KMT2C: variants seen among roughly 807,000 people sequenced by gnomAD.
KMT2C encodes the protein lysine methyltransferase 2C.
A neutral mutation model predicts 507.9 loss-of-function variants in KMT2C; 88 were observed. The ratio of observed to expected loss-of-function variants is 0.17; its 90% CI spans 0.15 to 0.21. The LOEUF is 0.21. Ranked by LOEUF, KMT2C falls within the 10% of genes least tolerant of loss-of-function variation. KMT2C has a pLI of 1.00. For synonymous variants in KMT2C, 2,049 were observed against 2,080.8 expected (o/e 0.98, Z 0.42); for missense variants, 4,954 against 5,957.8 (o/e 0.83, Z 5.55).
chr7:152,209,513 A>C (rs1165412229), intron 23 of KMT2C, among the ~76,000 whole-genome samples: 1 of 151,860 alleles, frequency 6.6e-6, no homozygotes, highest in Non-Finnish European at 1.5e-5. Flanking sequence ...GACTAAATTC[A>C]TATGTTAAAA....
intron 38 of KMT2C, among the ~76,000 whole-genome samples, chr7:152,175,217 C>G (rs1012511311): frequency 1.3e-5 from 2 of 151,856 alleles, no homozygotes; most frequent in African/African-American, 4.8e-5. Context: ...GCGATCTCGC[C>G]TCACTGCAAC....
chr7:152,282,745 A>G (rs1242005243), intron 6 of KMT2C, among the ~76,000 whole-genome samples: 1 of 152,008 alleles, frequency 6.6e-6, no homozygotes, highest in Non-Finnish European at 1.5e-5. Context: ...TTGTTTCCTG[A>G]TGTGATTTTA....
intron 1 of KMT2C, among the ~76,000 whole-genome samples, chr7:152,360,624 G>C (rs889331003): frequency 1.3e-5 from 2 of 151,534 alleles, no homozygotes; most frequent in Non-Finnish European, 2.9e-5. Context: ...ACCTGAGGTA[G>C]GGAGTTCGAG....
In KMT2C at chr7:152,134,962, T is replaced by C. The variant is rs1189518358; in HGVS notation, c.*1870A>G. ...AATATTTTATTTGTAAATGGTGATCTTCTAAATCTGTGTCCACAAATTCCA... is the reference window on the plus strand; with the variant it reads ...AATATTTTATTTGTAAATGGTGATCCTCTAAATCTGTGTCCACAAATTCCA... On this transcript the variant is annotated 3_prime_UTR_variant, in exon 59 of 59. Coordinates refer to ENST00000262189, the MANE Select transcript of KMT2C (RefSeq NM_170606.3). The C allele has an allele frequency of 4.5e-6, 1 of 223,808 alleles. No individual in the cohort carries two copies. Among genetic ancestry groups the C allele is most frequent in the African/African-American group, 2.2e-5 (1 of 44,868 alleles). The allele number at this position is 223,808 out of a possible 1,614,324, so 13.9% of individuals were successfully genotyped here. A position where few individuals can be genotyped will look rare whatever the true frequency, so the allele number is the denominator to read the frequency against.
rs989704962 is a variant in KMT2C, at chr7:152,368,124, T to C, written c.162-9449A>G. 21 of 938,972 alleles carry C rather than the reference T, an allele frequency of 2.2e-5. No individual in the cohort carries two copies. The African/African-American group carries it at 2.4e-4, about 11-fold the overall frequency. The allele number at this position is 938,972 out of a possible 1,614,324, so 58.2% of individuals were successfully genotyped here. On this transcript the variant is annotated intron_variant, in intron 1 of 58. Coordinates refer to ENST00000262189, the MANE Select transcript of KMT2C (RefSeq NM_170606.3). ...CTAGTAATACTATCATTGAAGTTAATGGCAAAAGGGTCAAAGGAAGGCAGT... is the reference window on the plus strand; with the variant it reads ...CTAGTAATACTATCATTGAAGTTAACGGCAAAAGGGTCAAAGGAAGGCAGT...
Position 152,178,015 on chromosome 7 carries a change from TAA to T in KMT2C, c.7443-7_7443-6del, listed in dbSNP as rs746018833. On this transcript the variant is annotated splice_polypyrimidine_tract_variant and splice_region_variant and intron_variant, in intron 37 of 58. Transcript: ENST00000262189. Reference sequence around the variant, plus strand: ...CTACCTCCTGGAAATCCAAATCTTTTAAAAAAAAAAAAAAAAAAAAAAAAAAA... The same window carrying T: ...CTACCTCCTGGAAATCCAAATCTTTTAAAAAAAAAAAAAAAAAAAAAAAAA... 97,963 of 801,904 alleles carry T rather than the reference TAA, an allele frequency of 0.12. 560 individuals are homozygous for T. Among genetic ancestry groups the T allele is most frequent in the East Asian group, 0.13 (1,852 of 14,228 alleles). The allele number at this position is 801,904 out of a possible 1,614,324, so 49.7% of individuals were successfully genotyped here.
chr7:152,147,267 CTAAG>C (rs1563140243), intron 52 of KMT2C, among the ~76,000 whole-genome samples: 2 of 152,018 alleles, frequency 1.3e-5, no homozygotes, highest in African/African-American at 2.4e-5. Context: ...GAGGTCCAAA[CTAAG>C]TGTTTAATTT....
At chr7:152,192,994 T>G (rs2093849560) in intron 31 of KMT2C, among the ~76,000 whole-genome samples, 1 of 152,052 alleles carries the variant, frequency 6.6e-6, no homozygotes. Flanking sequence ...GGCAACAAAG[T>G]GAGACCCCCA....
intron 48 of KMT2C, among the ~76,000 whole-genome samples, chr7:152,153,300 C>A (rs1587725464): frequency 6.6e-6 from 1 of 152,344 alleles, no homozygotes; most frequent in Admixed American, 6.5e-5. Context: ...CCAGCTCTGA[C>A]ACAACCCGTA....
At position 152,162,694 on chromosome 7, in the gene KMT2C, T is replaced by C; in HGVS notation, c.10883A>G (p.Asp3628Gly). 1.2e-6 allele frequency: 2 copies of C among 1,614,180 alleles called. No homozygotes were observed. The highest frequency in any genetic ancestry group is 1.7e-6 in the Non-Finnish European group (2 of 1,180,034). Residue 3628 changes from aspartate (D) to glycine (G), a missense_variant, in exon 43 of 59, where the codon GAT becomes GGT. Asp to Gly is a moderately conservative substitution (Grantham distance 94, BLOSUM62 -1). Around this residue, in one of 29 missense-constraint regions of KMT2C, gnomAD observed 801 missense variants for 751.2 expected, o/e 1.07. Transcript: ENST00000262189. ...STKAPSTPHSDITAPPTPGIS... is the reference protein window; with the variant it reads ...STKAPSTPHSGITAPPTPGIS... ...GCCTGGAGTCGGTGGGGCAGTTATA[T>C]CTGAATGGGGAGTTGATGGAGCCTT...
chr7:152,397,779 G>A (rs180896869), intron 1 of KMT2C, among the ~76,000 whole-genome samples: 6 of 152,126 alleles, frequency 3.9e-5, no homozygotes, highest in Non-Finnish European at 7.4e-5. Context: ...TTTGTAAGAG[G>A]AAACACCTTT....
chr7:152,263,127 T>C lies in KMT2C; in HGVS notation c.1188A>G (p.Gln396=), dbSNP rs532223166. 2.4e-5 allele frequency: 39 copies of C among 1,607,096 alleles called. No homozygotes were observed. The highest frequency in any genetic ancestry group is 2.2e-4 in the East Asian group (10 of 44,824). ...CTAGCATCTTGCTATCTTCTCCCGA[T>C]TGTCTAAAAAATAAGATAGCATTAA... ...PECKVCQNCK[Q]SGEDSKMLVC... is the part of the protein sequence containing the mutation. Residue 396 remains glutamine, a synonymous_variant, in exon 9 of 59, where the codon CAA becomes CAG. Coordinates refer to ENST00000262189, the MANE Select transcript of KMT2C (RefSeq NM_170606.3).
intron 32 of KMT2C, 40 bp downstream of exon 32, chr7:152,187,675 T>C (rs780558414): frequency 6.3e-7 from 1 of 1,591,852 alleles, no homozygotes; most frequent in South Asian, 1.2e-5. Flanking sequence ...CAAACAGAAA[T>C]TAGTGCAATT....
At chr7:152,360,402 C>T (rs2129233212) in intron 1 of KMT2C, among the ~76,000 whole-genome samples, 1 of 150,056 alleles carries the variant, frequency 6.7e-6, no homozygotes, top group African/African-American at 2.5e-5. Context: ...CGCTTGAACC[C>T]AGTGGGCAGG....
chr7:152,140,019 T>C (rs1245315773), intron 55 of KMT2C, among the ~76,000 whole-genome samples: 1 of 152,220 alleles, frequency 6.6e-6, no homozygotes, highest in African/African-American at 2.4e-5. Flanking sequence ...TAGCACTAAA[T>C]TCTTAGAGTC....
rs78902302 is a variant in KMT2C at position 152,155,792 on chromosome 7, T to C, written c.11960+118A>G. 1,758 of 949,144 alleles carry C rather than the reference T, an allele frequency of 1.9e-3. 20 individuals are homozygous for C. In the African/African-American group the frequency reaches 0.027, roughly 15 times the overall value. 58.8% of individuals were successfully genotyped at this position (949,144 alleles called of 1,614,324 possible). A position where few individuals can be genotyped will look rare whatever the true frequency, so the allele number is the denominator to read the frequency against. The stretch of plus-strand genomic sequence containing the variant: ...TAAATCCTGAAGATTATTCACCAAA[T>C]TGTACTCTTCAAATGTTTTTACATG... On this transcript the variant is annotated intron_variant, in intron 46 of 58. Transcript: ENST00000262189.
chr7:152,220,966 C>G (rs980299166), intron 22 of KMT2C, among the ~76,000 whole-genome samples: 8 of 152,142 alleles, frequency 5.3e-5, no homozygotes, highest in African/African-American at 1.9e-4. Flanking sequence ...AAAAAATGGT[C>G]TTCCTGGGCC....
intron 6 of KMT2C, among the ~76,000 whole-genome samples, chr7:152,300,094 T>C (rs1203266207): frequency 1.3e-5 from 2 of 152,220 alleles, no homozygotes; most frequent in African/African-American, 2.4e-5. Flanking sequence ...CTGTCTATAA[T>C]GGAGAATAAT....
intron 18 of KMT2C, among the ~76,000 whole-genome samples, chr7:152,227,810 T>C (rs1043886878): frequency 2.0e-5 from 3 of 152,192 alleles, no homozygotes; most frequent in African/African-American, 4.8e-5. Flanking sequence ...GTACATCTAC[T>C]GGGAATTTGT....
Sources: allele counts gnomAD v4.1 joint callset (sites outside exome capture counted in the v4.1 genomes callset), GRCh38; gene constraint gnomAD v4.1.1; regional missense constraint gnomAD v4.1.1; transcripts MANE v1.5; gene names NCBI Gene and HGNC (gene_info 2026-07-23, HGNC 2026-07-21).